PLCL2: variants seen among roughly 807,000 people sequenced by gnomAD.
PLCL2 encodes inactive phospholipase C-like protein 2.
PLCL2 carries 4 observed loss-of-function variants against 79.6 expected under a neutral mutation model. The observed-to-expected ratio is 0.05, with a 90% CI of 0.02 to 0.11. The LOEUF is 0.11. Ranked by LOEUF, PLCL2 falls within the 10% of genes least tolerant of loss-of-function variation. PLCL2 has a pLI of 1.00. For synonymous variants in PLCL2, 484 were observed against 457.7 expected (o/e 1.06, Z -0.73); for missense variants, 895 against 1,291.0 (o/e 0.69, Z 4.70).
At chr3:17,057,008 G>T (rs4561816) in intron 4 of PLCL2, among the ~76,000 whole-genome samples, 1 of 151,910 alleles carries the variant, frequency 6.6e-6, no homozygotes, top group South Asian at 2.1e-4. Flanking sequence ...ATTGTCCTGG[G>T]TGAAGGGAAA....
intron 1 of PLCL2, among the ~76,000 whole-genome samples, chr3:17,005,446 G>C (rs1306470727): frequency 6.6e-6 from 1 of 152,156 alleles, no homozygotes; most frequent in Non-Finnish European, 1.5e-5. Context: ...ATCCCAGATG[G>C]TAATTTTAGT....
At chr3:16,935,800 TAAAAA>T (rs1487779013) in intron 1 of PLCL2, among the ~76,000 whole-genome samples, 1 of 151,964 alleles carries the variant, frequency 6.6e-6, no homozygotes, top group Non-Finnish European at 1.5e-5. Flanking sequence ...TGCTAAAAAA[TAAAAA>T]AAGAAAGAAT....
At chr3:16,967,751 A>G (rs1294639304) in intron 1 of PLCL2, among the ~76,000 whole-genome samples, 1 of 151,984 alleles carries the variant, frequency 6.6e-6, no homozygotes, top group Non-Finnish European at 1.5e-5. Context: ...TCCTGTGCAA[A>G]AGATCTTTAG....
chr3:16,901,620 T>C (rs550970348), intron 1 of PLCL2, among the ~76,000 whole-genome samples: 72 of 152,348 alleles, frequency 4.7e-4, no homozygotes, highest in Non-Finnish European at 9.0e-4. Context: ...GAGCTGCCTC[T>C]CCTCCAGTTG....
intron 3 of PLCL2, among the ~76,000 whole-genome samples, chr3:17,036,522 G>A (rs1471931825): frequency 6.6e-6 from 1 of 152,182 alleles, no homozygotes; most frequent in African/African-American, 2.4e-5. Context: ...ATTTTAAAGT[G>A]TTAAAAAGAG....
chr3:17,022,532 A>T (rs923307977), intron 3 of PLCL2, among the ~76,000 whole-genome samples: 1 of 152,212 alleles, frequency 6.6e-6, no homozygotes, highest in Non-Finnish European at 1.5e-5. Context: ...AAAGGATTTT[A>T]TGTATCTTTA....
chr3:16,971,327 C>CT (rs2063865849), intron 1 of PLCL2, among the ~76,000 whole-genome samples: 1 of 152,106 alleles, frequency 6.6e-6, no homozygotes, highest in Admixed American at 6.5e-5. Context: ...GGAATCCTTT[C>CT]CCCATTGCTT....
intron 1 of PLCL2, among the ~76,000 whole-genome samples, chr3:16,967,398 T>G (rs1224887004): frequency 6.6e-6 from 1 of 152,142 alleles, no homozygotes; most frequent in Non-Finnish European, 1.5e-5. Context: ...TATAAAGCAT[T>G]CCCTTTTCTC....
intron 1 of PLCL2, among the ~76,000 whole-genome samples, chr3:16,997,032 A>G (rs2064160544): frequency 6.6e-6 from 1 of 152,226 alleles, no homozygotes; most frequent in East Asian, 1.9e-4. Context: ...TGAAGAAACA[A>G]AAAAATGACT....
intron 1 of PLCL2, among the ~76,000 whole-genome samples, chr3:16,967,229 C>T (rs1057126355): frequency 1.3e-5 from 2 of 152,066 alleles, no homozygotes; most frequent in Non-Finnish European, 2.9e-5. Flanking sequence ...AGTGAACAAA[C>T]ACATGCATGT....
intron 1 of PLCL2, among the ~76,000 whole-genome samples, chr3:16,993,966 C>T (rs995324124): frequency 1.3e-5 from 2 of 152,102 alleles, no homozygotes; most frequent in African/African-American, 4.8e-5. Context: ...AATTTGGTGC[C>T]TGTGTGAAAT....
At chr3:16,919,162 G>A (rs1418753452) in intron 1 of PLCL2, among the ~76,000 whole-genome samples, 4 of 152,034 alleles carry the variant, frequency 2.6e-5, no homozygotes, top group African/African-American at 9.7e-5. Flanking sequence ...AATTTAATAG[G>A]AAATAGTACA....
chr3:16,922,757 A>C (rs1697152907), intron 1 of PLCL2, among the ~76,000 whole-genome samples: 1 of 138,316 alleles, frequency 7.2e-6, no homozygotes, highest in South Asian at 2.4e-4. Context: ...ATTAAGAAAA[A>C]AATAATGTTA....
intron 1 of PLCL2, among the ~76,000 whole-genome samples, chr3:16,972,949 G>T (rs560467817): frequency 6.6e-6 from 1 of 152,000 alleles, no homozygotes; most frequent in Non-Finnish European, 1.5e-5. Flanking sequence ...TTGCTACTCT[G>T]TGCCTTTTAA....
chr3:16,963,287 A>G (rs2063773686), intron 1 of PLCL2, among the ~76,000 whole-genome samples: 2 of 152,270 alleles, frequency 1.3e-5, no homozygotes, highest in South Asian at 2.1e-4. Flanking sequence ...CTACATATAT[A>G]TATACATACA....
At chr3:17,031,051 G>A (rs1221807716) in intron 3 of PLCL2, among the ~76,000 whole-genome samples, 3 of 152,226 alleles carry the variant, frequency 2.0e-5, no homozygotes, top group Non-Finnish European at 4.4e-5. Context: ...AAGAGTTAAC[G>A]TAGCATCCAG....
intron 4 of PLCL2, among the ~76,000 whole-genome samples, chr3:17,050,995 A>G (rs2064833355): frequency 6.6e-6 from 1 of 152,210 alleles, no homozygotes; most frequent in Admixed American, 6.5e-5. Flanking sequence ...CATTTGCAAC[A>G]TGGATGGAAC....
chr3:17,003,491 C>T (rs938146602), intron 1 of PLCL2, among the ~76,000 whole-genome samples: 1 of 152,188 alleles, frequency 6.6e-6, no homozygotes, highest in Admixed American at 6.6e-5. Context: ...AGAAAGGGGT[C>T]TCTTCCCATG....
intron 1 of PLCL2, among the ~76,000 whole-genome samples, chr3:17,006,221 A>G (rs575364525): frequency 1.3e-5 from 2 of 152,364 alleles, no homozygotes; most frequent in African/African-American, 4.8e-5. Context: ...CAAGTATTTG[A>G]TCACTGCCAG....
Sources: gnomAD v4.1 joint callset for allele counts (sites outside exome capture counted in the v4.1 genomes callset) on GRCh38, gnomAD v4.1.1 for gene constraint, MANE v1.5 for transcripts, NCBI Gene and HGNC (gene_info 2026-07-23, HGNC 2026-07-21) for gene names.